The following ST6GALNAC4 variants were observed in gnomAD, a reference collection of about 807,000 sequenced individuals.
ST6GALNAC4 encodes alpha-N-acetyl-neuraminyl-2,3-beta-galactosyl-1,3-N-acetyl-galactosaminide alpha-2,6-sialyltransferase.
ST6GALNAC4 carries 24 observed loss-of-function variants against 30.4 expected under a neutral mutation model. That is an observed-to-expected ratio of 0.79 (90% CI 0.57 to 1.11). The LOEUF (loss-of-function observed/expected upper bound fraction) is 1.11. Ranked by LOEUF, ST6GALNAC4 falls within the 50% of genes most tolerant of loss-of-function variation. The pLI is 0.00. For missense variants in ST6GALNAC4, 365 were observed against 430.1 expected (o/e 0.85, Z 1.34); for synonymous variants, 156 against 179.7 (o/e 0.87, Z 1.05).
Position 127,916,753 on chromosome 9 carries a change from C to G in ST6GALNAC4, c.-76+73G>C, listed in dbSNP as rs540796247. 6.9e-4 allele frequency: 333 copies of G among 480,904 alleles called. 1 individual carries two copies. The highest frequency in any genetic ancestry group is 5.2e-3 in the Middle Eastern group (9 of 1,734). The allele number at this position is 480,904 out of a possible 1,614,324, so 29.8% of individuals were successfully genotyped here. A position where few individuals can be genotyped will look rare whatever the true frequency, so the allele number is the denominator to read the frequency against. On this transcript the variant is annotated intron_variant, in intron 1 of 5. Transcript: ENST00000335791. ...AGGAAGAGGCAGCGAGGAGGCGCCC[C>G]CAGCTCAAGGTCACCCATCAGGTCT...
At chr9:127,913,613 C>CA (rs1007681662) in intron 3 of ST6GALNAC4, among the ~76,000 whole-genome samples, 7 of 149,922 alleles carry the variant, frequency 4.7e-5, no homozygotes, top group African/African-American at 9.8e-5. Context: ...AATATAAATA[C>CA]AAAAAAAAGA....
rs193271730 is a variant in ST6GALNAC4 at position 127,913,156 on chromosome 9, C to T, written c.199-476G>A. Among the ~76,000 whole-genome samples the T allele has an allele frequency of 1.9e-4, 29 of 152,368 alleles. No individual in the cohort carries two copies. In the East Asian group the frequency reaches 5.0e-3, roughly 26 times the overall value. On this transcript the variant is annotated intron_variant, in intron 3 of 5. Transcript: ENST00000335791. ...AGTTTCTAAGTAAGAGCAGGGTCAT[C>T]AGCGCCCAGGACAGCTGTGGGACTC...
At chr9:127,916,071 GCTCT>G (rs904455281) in intron 2 of ST6GALNAC4, 12 of 444,728 alleles carry the variant, frequency 2.7e-5, no homozygotes, top group Non-Finnish European at 4.5e-5. Context: ...CCCACATCCA[GCTCT>G]CTCTCTCACA....
chr9:127,912,388 C>T lies in ST6GALNAC4; in HGVS notation c.491G>A (p.Arg164His), dbSNP rs372659334. Residue 164 changes from arginine (R) to histidine (H), a missense_variant, in exon 4 of 6, where the codon CGC (arginine) becomes CAC (histidine). Coordinates refer to ENST00000335791, the MANE Select transcript of ST6GALNAC4 (RefSeq NM_175039.4). ...GAGCTGCAGCAGCGTGCGGTAGGTG[C>T]GGCCGCCGAGCACCCGGTCCATGTG... is the stretch of plus-strand genomic sequence containing the variant. ...GRHMDRVLGG[R>H]TYRTLLQLTR... 3.7e-5 allele frequency: 60 copies of T among 1,614,084 alleles called. 2 individuals carry two copies. The highest frequency in any genetic ancestry group is 1.8e-4 in the South Asian group (16 of 91,080).
In ST6GALNAC4 at chr9:127,915,351, C is replaced by T. The variant is rs76231169; in HGVS notation, c.13-510G>A. ...CGGGAAAGTGGTGCCTCAGAAGGGC[C>T]ACCAGCCCCTTCAGCCTAGGACCAG... On this transcript the variant is annotated intron_variant, in intron 2 of 5. Coordinates refer to ENST00000335791, the MANE Select transcript of ST6GALNAC4 (RefSeq NM_175039.4). Among the ~76,000 whole-genome samples the T allele has an allele frequency of 1.0e-2, 1,516 of 152,296 alleles. 29 individuals are homozygous for T. The highest frequency in any genetic ancestry group is 0.034 in the African/African-American group (1,418 of 41,538).
rs1169538596 is a variant in ST6GALNAC4 at position 127,913,082 on chromosome 9, ATTCT to A, written c.199-406_199-403del. 2.6e-5 allele frequency among the ~76,000 whole-genome samples: 4 copies of A among 152,352 alleles called. No homozygotes were observed. The East Asian group carries it at 7.7e-4, about 29-fold the overall frequency. Reference sequence around the variant, plus strand: ...ACATGAACCTCAGCTCTTCAGAATCATTCTTAGGCCACTCCCTCCCCTGCACATG... The same window carrying A: ...ACATGAACCTCAGCTCTTCAGAATCATAGGCCACTCCCTCCCCTGCACATG... On this transcript the variant is annotated intron_variant, in intron 3 of 5. Transcript: ENST00000335791.
At chr9:127,911,253 T>C (rs1831067739) in intron 4 of ST6GALNAC4, among the ~76,000 whole-genome samples, 2 of 152,054 alleles carry the variant, frequency 1.3e-5, no homozygotes, top group African/African-American at 4.8e-5. Context: ...TGGGCCATTG[T>C]ACGTGGCAGA....
At position 127,912,535 on chromosome 9, in the gene ST6GALNAC4, A is replaced by G; in HGVS notation, c.344T>C (p.Val115Ala). The change falls in exon 4 of 6, where the codon GTG becomes GCG. Residue 115 changes from valine to alanine, a missense_variant. Physicochemically the swap from Val to Ala is moderately conservative, Grantham distance 64. Transcript: ENST00000335791. ...QAPTVGFEAD[V>A]GQRSTLRVVS... ...GACACGCAGGGTGCTGCGCTGGCCC[A>G]CATCCGCCTCAAAGCCCACGGTGGG... 6.2e-7 allele frequency: 1 copy of G among 1,613,698 alleles called. No homozygotes were observed. The highest frequency in any genetic ancestry group is 2.2e-5 in the East Asian group (1 of 44,882).
intron 4 of ST6GALNAC4, among the ~76,000 whole-genome samples, chr9:127,911,515 GCT>G (rs1470869151): frequency 6.6e-6 from 1 of 152,106 alleles, no homozygotes; most frequent in East Asian, 1.9e-4. Flanking sequence ...ACAGAGTCTC[GCT>G]CTGTCACCCA....
chr9:127,912,447 T>C lies in ST6GALNAC4; in HGVS notation c.432A>G (p.Arg144=). 1 of 1,614,070 alleles carries C rather than the reference T, an allele frequency of 6.2e-7. No homozygotes were observed. Among genetic ancestry groups the C allele is most frequent in the Non-Finnish European group, 8.5e-7 (1 of 1,179,990 alleles). ...RNYSHYFQKA[R]DTLYMVWGQG... ...GGCCCCACACCATGTAGAGCGTGTC[T>C]CGGGCCTTCTGGAAGTAGTGTGAAT... Residue 144 remains arginine (R), a synonymous_variant, in exon 4 of 6, where the codon CGA becomes CGG. Transcript: ENST00000335791.
intron 3 of ST6GALNAC4, among the ~76,000 whole-genome samples, chr9:127,914,183 T>C (rs1040126547): frequency 1.3e-5 from 2 of 151,570 alleles, no homozygotes; most frequent in African/African-American, 2.4e-5. Context: ...TCACCTGAGG[T>C]TGGGAGTTCG....
intron 5 of ST6GALNAC4, 127 bp from the exon 6 acceptor site, chr9:127,908,708 G>T: frequency 2.4e-6 from 2 of 822,092 alleles, no homozygotes. Flanking sequence ...GATCCCTGGG[G>T]AGGCCAAGAC....
chr9:127,916,495 C>G lies in ST6GALNAC4; in HGVS notation c.-75-1G>C. 1 of 1,583,082 alleles carries G rather than the reference C, an allele frequency of 6.3e-7. No individual in the cohort carries two copies. The highest frequency in any genetic ancestry group is 8.7e-7 in the Non-Finnish European group (1 of 1,152,476). On this transcript the variant is annotated splice_acceptor_variant, in intron 1 of 5. Coordinates refer to ENST00000335791, the MANE Select transcript of ST6GALNAC4 (RefSeq NM_175039.4). LOFTEE classifies it low-confidence loss of function (5UTR_SPLICE). ...CTGGGAAGGGGTGGGAGCCGGGCAC[C>G]TGCCAAGACCCAGAAACTCAGAGCC...
In ST6GALNAC4 at chr9:127,912,699, G is replaced by T; in HGVS notation, c.199-19C>A. 1 of 1,541,488 alleles carries T rather than the reference G, an allele frequency of 6.5e-7. No homozygotes were observed. Among genetic ancestry groups the T allele is most frequent in the Non-Finnish European group, 8.7e-7 (1 of 1,146,416 alleles). On this transcript the variant is annotated intron_variant, in intron 3 of 5. Coordinates refer to ENST00000335791, the MANE Select transcript of ST6GALNAC4 (RefSeq NM_175039.4). ...CCAGCGGCTGCAGGGCAGGCAGGGA[G>T]AAAGAGACAGAGAGGCATGAACACG...
Position 127,908,163 on chromosome 9 carries a change from C to G in ST6GALNAC4, c.*229G>C, listed in dbSNP as rs548378953. 8 of 194,142 alleles carry G rather than the reference C, an allele frequency of 4.1e-5. No individual in the cohort carries two copies. The East Asian group carries it at 7.4e-4, about 18-fold the overall frequency. The allele number at this position is 194,142 out of a possible 1,614,324, so 12.0% of individuals were successfully genotyped here. A position where few individuals can be genotyped will look rare whatever the true frequency, so the allele number is the denominator to read the frequency against. On this transcript the variant is annotated 3_prime_UTR_variant, in exon 6 of 6. Transcript: ENST00000335791. ...GAGCCCCCAAATGCCGTGAATTACT[C>G]AGGGAGTGGAGGGGGGAGACACGGC...
intron 3 of ST6GALNAC4, among the ~76,000 whole-genome samples, chr9:127,913,573 G>A (rs762556273): frequency 4.0e-5 from 6 of 151,888 alleles, no homozygotes; most frequent in Non-Finnish European, 7.4e-5. Context: ...GACAGAGTGA[G>A]CTCTTGTCTA....
intron 3 of ST6GALNAC4, 120 bp downstream of exon 3, chr9:127,914,536 G>T: frequency 5.6e-6 from 2 of 356,064 alleles, no homozygotes; most frequent in African/African-American, 2.4e-5. Flanking sequence ...AGGGCTCAGA[G>T]AGGTGATGTG....
In ST6GALNAC4 at chr9:127,912,248, C is replaced by G. The variant is rs760431209; in HGVS notation, c.611+20G>C. 1 of 1,588,272 alleles carries G rather than the reference C, an allele frequency of 6.3e-7. No homozygotes were observed. Among genetic ancestry groups the G allele is most frequent in the Non-Finnish European group, 8.6e-7 (1 of 1,164,408 alleles). On this transcript the variant is annotated intron_variant, in intron 4 of 5. Transcript: ENST00000335791. ...GCCCCAGCTGCCAGAGAGACCCCAG[C>G]AGGCAGGCCCCAGGCTCACCGGTTC...
In ST6GALNAC4 at chr9:127,914,752, C is replaced by T. The variant is rs774106864; in HGVS notation, c.102G>A (p.Leu34=). Residue 34 remains leucine (L), a synonymous_variant, in exon 3 of 6, where the codon CTG becomes CTA. Coordinates refer to ENST00000335791, the MANE Select transcript of ST6GALNAC4 (RefSeq NM_175039.4). ...GGAAGTGGTGGTCCAGGCAGGTGGC[C>T]AGGCAGAGGGGCAGGCCGGCCCAGC... ...LCCWAGLPLC[L]ATCLDHHFPT... 1.9e-6 allele frequency: 3 copies of T among 1,607,592 alleles called. No homozygotes were observed. The Admixed American group carries it at 5.1e-5, about 27-fold the overall frequency.
Sources: allele counts gnomAD v4.1 joint callset (sites outside exome capture counted in the v4.1 genomes callset), GRCh38; gene constraint gnomAD v4.1.1; transcripts MANE v1.5; gene names NCBI Gene and HGNC (gene_info 2026-07-23, HGNC 2026-07-21).